PRKG1: variants seen among roughly 807,000 people sequenced by gnomAD.
The protein encoded by PRKG1 is protein kinase cGMP-dependent 1.
In PRKG1, 35 loss-of-function variants were observed where a neutral mutation model predicts 88.1. The observed-to-expected ratio is 0.40, with a 90% CI of 0.30 to 0.53. The LOEUF (loss-of-function observed/expected upper bound fraction) is 0.53. PRKG1 is among the 20% of genes least tolerant of loss of function. PRKG1 has a pLI of 0.59. For missense variants in PRKG1, 540 were observed against 839.8 expected (o/e 0.64, Z 4.41); for synonymous variants, 303 against 292.5 (o/e 1.04, Z -0.37).
intron 3 of PRKG1, among the ~76,000 whole-genome samples, chr10:51,492,011 G>A (rs957350879): frequency 2.6e-5 from 4 of 152,102 alleles, no homozygotes; most frequent in Non-Finnish European, 5.9e-5. Flanking sequence ...CCTAGTACAA[G>A]CCCTGGCTCT....
intron 4 of PRKG1, among the ~76,000 whole-genome samples, chr10:51,815,510 A>T (rs1839561348): frequency 6.6e-6 from 1 of 152,142 alleles, no homozygotes; most frequent in Non-Finnish European, 1.5e-5. Context: ...GAGAATCGGA[A>T]GTGGGAATGA....
rs192611068 is a variant in PRKG1 at position 52,138,919 on chromosome 10, G to T, written c.1001+5014G>T. ...CCAAGACTCTCACCATAATTGGGGA[G>T]CAACTCATAAGATCAAGGTTGATCC... is the stretch of plus-strand genomic sequence containing the variant. On this transcript the variant is annotated intron_variant, in intron 8 of 17. Coordinates refer to ENST00000373980, the MANE Select transcript of PRKG1 (RefSeq NM_006258.4). Among the ~76,000 whole-genome samples the T allele has an allele frequency of 6.6e-4, 100 of 152,124 alleles. 1 individual carries two copies. The South Asian group carries it at 8.7e-3, about 13-fold the overall frequency.
At chr10:51,645,106 G>T (rs993900269) in intron 3 of PRKG1, among the ~76,000 whole-genome samples, 8 of 152,180 alleles carry the variant, frequency 5.3e-5, no homozygotes, top group African/African-American at 1.9e-4. Flanking sequence ...ACAGGTGTCA[G>T]CTGCCGCACC....
At chr10:51,068,908 A>C (rs1051782319) in intron 1 of PRKG1, among the ~76,000 whole-genome samples, 1 of 152,032 alleles carries the variant, frequency 6.6e-6, no homozygotes, top group African/African-American at 2.4e-5. Flanking sequence ...ATTCTATTTT[A>C]TGCATTTAAA....
At chr10:52,239,521 TAAAA>T in intron 9 of PRKG1, among the ~76,000 whole-genome samples, 1 of 56,738 alleles carries the variant, frequency 1.8e-5, no homozygotes, top group Non-Finnish European at 2.9e-5. Flanking sequence ...TTCTACAGTG[TAAAA>T]AAAAAAAAAA....
chr10:51,819,822 G>A (rs572426443), intron 4 of PRKG1, among the ~76,000 whole-genome samples: 1 of 152,196 alleles, frequency 6.6e-6, no homozygotes, highest in African/African-American at 2.4e-5. Flanking sequence ...ATTAGAGAGT[G>A]AATCACACTA....
intron 1 of PRKG1, among the ~76,000 whole-genome samples, chr10:51,143,749 T>C (rs1204761188): frequency 6.6e-6 from 1 of 152,082 alleles, no homozygotes; most frequent in Non-Finnish European, 1.5e-5. Flanking sequence ...ATGTACTCAT[T>C]GGCCATGTTT....
chr10:52,149,549 C>T (rs1837842183), intron 8 of PRKG1, among the ~76,000 whole-genome samples: 1 of 151,944 alleles, frequency 6.6e-6, no homozygotes, highest in African/African-American at 2.4e-5. Flanking sequence ...TCCTTGGAAG[C>T]CAGGAAAAGA....
At chr10:52,042,643 G>A (rs776072037) in intron 5 of PRKG1, among the ~76,000 whole-genome samples, 2 of 152,016 alleles carry the variant, frequency 1.3e-5, no homozygotes, top group Non-Finnish European at 2.9e-5. Flanking sequence ...TAAGGGAAAT[G>A]CTTCATTACA....
chr10:51,580,865 C>T (rs551213478), intron 3 of PRKG1, among the ~76,000 whole-genome samples: 5 of 151,974 alleles, frequency 3.3e-5, no homozygotes, highest in South Asian at 2.1e-4. Context: ...TGACACCAAG[C>T]GGGGTGGTCT....
intron 4 of PRKG1, among the ~76,000 whole-genome samples, chr10:51,889,522 G>A (rs867554406): frequency 1.3e-5 from 2 of 152,020 alleles, no homozygotes; most frequent in African/African-American, 2.4e-5. Context: ...AGACATACAT[G>A]TGCATGTGTC....
intron 7 of PRKG1, chr10:52,128,202 G>C (rs1458471518): frequency 4.1e-6 from 4 of 985,292 alleles, no homozygotes; most frequent in Non-Finnish European, 3.6e-6. Context: ...TAAGCAACTG[G>C]AGTAGTGTCG....
intron 5 of PRKG1, chr10:51,910,054 A>C (rs1842182842): frequency 6.6e-6 from 1 of 152,210 alleles, no homozygotes; most frequent in African/African-American, 2.4e-5. Flanking sequence ...CTATTCTGAT[A>C]TATTCTATTT....
In PRKG1 at chr10:51,060,307, C is replaced by T. The variant is rs189172268; in HGVS notation, c.266+68663C>T. ...TATTTACTAATACATTTTGATCTGTCATTGATCAAATCTTTGATCTATCAC... is the reference window on the plus strand; with the variant it reads ...TATTTACTAATACATTTTGATCTGTTATTGATCAAATCTTTGATCTATCAC... On this transcript the variant is annotated intron_variant, in intron 1 of 17. Coordinates refer to the PRKG1 transcript ENST00000401604. Among the ~76,000 whole-genome samples the T allele has an allele frequency of 3.0e-3, 461 of 152,100 alleles. 1 individual carries two copies. The highest frequency in any genetic ancestry group is 5.0e-3 in the Non-Finnish European group (342 of 67,934).
At chr10:51,650,044 C>G (rs1840002892) in intron 3 of PRKG1, among the ~76,000 whole-genome samples, 1 of 152,144 alleles carries the variant, frequency 6.6e-6, no homozygotes, top group African/African-American at 2.4e-5. Flanking sequence ...CTAGGTCTAA[C>G]TATCCTCATC....
intron 2 of PRKG1, among the ~76,000 whole-genome samples, chr10:51,197,709 C>G (rs955318666): frequency 6.6e-6 from 1 of 151,652 alleles, no homozygotes; most frequent in South Asian, 2.1e-4. Context: ...GCTATCTCCT[C>G]CTAGAATACT....
intron 2 of PRKG1, among the ~76,000 whole-genome samples, chr10:51,447,708 A>C (rs1299605948): frequency 2.0e-5 from 3 of 151,956 alleles, no homozygotes; most frequent in African/African-American, 4.8e-5. Context: ...AACTAGACAT[A>C]ATAATGCACA....
chr10:52,202,477 T>C (rs1382715132), intron 9 of PRKG1, among the ~76,000 whole-genome samples: 1 of 152,170 alleles, frequency 6.6e-6, no homozygotes, highest in Non-Finnish European at 1.5e-5. Flanking sequence ...ATCAAGGATA[T>C]TGGCCTGGTG....
At chr10:51,510,856 G>T (rs1339033413) in intron 3 of PRKG1, among the ~76,000 whole-genome samples, 2 of 149,084 alleles carry the variant, frequency 1.3e-5, no homozygotes, top group African/African-American at 5.0e-5. Flanking sequence ...CAATTCTCCT[G>T]CCTCAGCCTC....
Sources: allele counts gnomAD v4.1 joint callset (sites outside exome capture counted in the v4.1 genomes callset), GRCh38; gene constraint gnomAD v4.1.1; transcripts MANE v1.5; gene names NCBI Gene and HGNC (gene_info 2026-07-23, HGNC 2026-07-21).